Variants in CACHD1 observed in about 807,000 individuals in gnomAD.
CACHD1 encodes the protein VWFA and cache domain-containing protein 1.
In CACHD1, 71 loss-of-function variants were observed where a neutral mutation model predicts 138.7. The ratio of observed to expected loss-of-function variants is 0.51; its 90% CI spans 0.42 to 0.62. The LOEUF is 0.62. Ranked by LOEUF, CACHD1 falls within the 20% of genes least tolerant of loss-of-function variation. The pLI is 0.00. For synonymous variants in CACHD1, 578 were observed against 591.5 expected, an observed-to-expected ratio of 0.98 and a Z score of 0.33; for missense variants, 1,389 against 1,625.3, an observed-to-expected ratio of 0.85 and a Z score of 2.50.
intron 26 of CACHD1, among the ~76,000 whole-genome samples, chr1:64,682,785 A>G (rs1430636828): frequency 1.3e-5 from 2 of 152,148 alleles, no homozygotes; most frequent in Admixed American, 6.5e-5. Flanking sequence ...CTCAGAGTCC[A>G]TATCGCTCAT....
chr1:64,681,541 G>GTTTTTTTTTTTTTTTT (rs57993424), intron 25 of CACHD1, among the ~76,000 whole-genome samples: 15 of 68,140 alleles, frequency 2.2e-4, no homozygotes, highest in East Asian at 5.8e-4. Flanking sequence ...ATTTTATTGT[G>GTTTTTTTTTTTTTTTT]TTTTTTTTTT....
intron 2 of CACHD1, among the ~76,000 whole-genome samples, chr1:64,581,720 T>C (rs1015080622): frequency 6.6e-6 from 1 of 152,180 alleles, no homozygotes; most frequent in African/African-American, 2.4e-5. Flanking sequence ...TTTCCTTCTG[T>C]TATTATCCCC....
intron 2 of CACHD1, among the ~76,000 whole-genome samples, chr1:64,554,591 C>G (rs78560789): frequency 0.024 from 3,646 of 152,278 alleles, 66 homozygotes; most frequent in East Asian, 0.12. Flanking sequence ...TTTCATTTGC[C>G]TCGCTCTGAT....
rs1428691966 is a variant in CACHD1, at chr1:64,602,758, G to T, written c.411-48G>T. On this transcript the variant is annotated intron_variant, in intron 3 of 26. Coordinates refer to ENST00000651257, the MANE Select transcript of CACHD1 (RefSeq NM_020925.4). ...TGTAAACCATTATTTTTGTTGGTTGGTTTTTCTGGCCTGAATAAGTATTGC... is the reference window on the plus strand; with the variant it reads ...TGTAAACCATTATTTTTGTTGGTTGTTTTTTCTGGCCTGAATAAGTATTGC... The T allele has an allele frequency of 4.6e-6, 6 of 1,316,634 alleles. No homozygotes were observed. The South Asian group carries it at 5.9e-5, about 13-fold the overall frequency. The allele number at this position is 1,316,634 out of a possible 1,614,324, so 81.6% of individuals were successfully genotyped here.
At position 64,556,976 on chromosome 1, in the gene CACHD1, G is replaced by A. The variant is rs186575503; in HGVS notation, c.261+6320G>A. On this transcript the variant is annotated intron_variant, in intron 2 of 26. Transcript: ENST00000651257. ...CTACTAAAAATACAAAAAATTAGCC[G>A]GGCGTGGTGGCGGGCGCCTGTAGTC... Among the ~76,000 whole-genome samples the A allele has an allele frequency of 0.016, 2,381 of 152,146 alleles. 154 individuals carry two copies. In the East Asian group the frequency reaches 0.2, roughly 12 times the overall value.
intron 4 of CACHD1, among the ~76,000 whole-genome samples, chr1:64,605,168 T>C (rs1647299598): frequency 6.6e-6 from 1 of 151,964 alleles, no homozygotes; most frequent in Non-Finnish European, 1.5e-5. Flanking sequence ...TTTCACCATG[T>C]TGGCCAGGCT....
chr1:64,618,278 G>T (rs1245864770), intron 4 of CACHD1, among the ~76,000 whole-genome samples: 1 of 152,106 alleles, frequency 6.6e-6, no homozygotes, highest in African/African-American at 2.4e-5. Context: ...CAACTAAGAA[G>T]AGTGGTCTAC....
At position 64,604,746 on chromosome 1, in the gene CACHD1, G is replaced by A. The variant is rs141821988; in HGVS notation, c.517+1834G>A. Reference sequence around the variant, plus strand: ...TGGCTCACTGCAACCCCTGCCTCCCGGGTTCAAGCAATTCTCCTGCCTCAG... The same window carrying A: ...TGGCTCACTGCAACCCCTGCCTCCCAGGTTCAAGCAATTCTCCTGCCTCAG... On this transcript the variant is annotated intron_variant, in intron 4 of 26. Coordinates refer to ENST00000651257, the MANE Select transcript of CACHD1 (RefSeq NM_020925.4). Among the ~76,000 whole-genome samples the A allele has an allele frequency of 6.0e-3, 912 of 151,882 alleles. 13 individuals are homozygous for A. The highest frequency in any genetic ancestry group is 0.021 in the African/African-American group (858 of 41,420).
chr1:64,494,562 G>T (rs1413680941), intron 1 of CACHD1, among the ~76,000 whole-genome samples: 2 of 152,168 alleles, frequency 1.3e-5, no homozygotes, highest in African/African-American at 4.8e-5. Context: ...TGATTTGGAA[G>T]CTCCAATCTA....
chr1:64,655,583 C>T (rs116061188), intron 12 of CACHD1, among the ~76,000 whole-genome samples: 4,208 of 152,268 alleles, frequency 0.028, 83 homozygotes, highest in Middle Eastern at 0.054. Flanking sequence ...TCAACACAAG[C>T]AGATGGATAG....
At chr1:64,621,515 A>G (rs1000021015) in intron 4 of CACHD1, among the ~76,000 whole-genome samples, 1 of 152,218 alleles carries the variant, frequency 6.6e-6, no homozygotes, top group East Asian at 1.9e-4. Context: ...ACATAGCTAC[A>G]TAAAGAATAC....
chr1:64,634,227 C>G lies in CACHD1; in HGVS notation c.973C>G (p.Arg325Gly). The change falls in exon 7 of 27, where the codon CGA becomes GGA. Residue 325 changes from arginine to glycine, a missense_variant. Physicochemically the swap from Arg to Gly is moderately radical, Grantham distance 125. Coordinates refer to ENST00000651257, the MANE Select transcript of CACHD1 (RefSeq NM_020925.4). Reference sequence around the variant, plus strand: ...ATTCCAAAAGGCATTTCAGCTGATTCGAAGTACAAACAATAACACAAAGTT... The same window carrying G: ...ATTCCAAAAGGCATTTCAGCTGATTGGAAGTACAAACAATAACACAAAGTT... ...VGFQKAFQLI[R>G]STNNNTKFQA... 1 of 1,613,662 alleles carries G rather than the reference C, an allele frequency of 6.2e-7. No individual in the cohort carries two copies. Among genetic ancestry groups the G allele is most frequent in the Non-Finnish European group, 8.5e-7 (1 of 1,179,928 alleles).
intron 16 of CACHD1, among the ~76,000 whole-genome samples, chr1:64,670,015 AT>A (rs1356274756): frequency 2.6e-5 from 4 of 152,194 alleles, no homozygotes; most frequent in African/African-American, 9.6e-5. Context: ...GGGAACTATG[AT>A]TCCTTTATGG....
At chr1:64,600,160 C>G (rs1000871533) in intron 3 of CACHD1, among the ~76,000 whole-genome samples, 1 of 152,138 alleles carries the variant, frequency 6.6e-6, no homozygotes, top group South Asian at 2.1e-4. Context: ...AGATGTACCT[C>G]AGAACTACCC....
intron 1 of CACHD1, among the ~76,000 whole-genome samples, chr1:64,528,884 A>G (rs1362386978): frequency 1.3e-5 from 2 of 152,054 alleles, no homozygotes; most frequent in African/African-American, 4.8e-5. Flanking sequence ...TAGTCCCCCA[A>G]TTTAATGGCA....
chr1:64,681,957 G>A, intron 25 of CACHD1, 48 bp from the exon 26 acceptor site: 1 of 1,497,972 alleles, frequency 6.7e-7, no homozygotes, highest in Non-Finnish European at 9.3e-7. Context: ...TTGAAACAAT[G>A]GAGATACTGG....
At chr1:64,523,941 A>C (rs946841248) in intron 1 of CACHD1, among the ~76,000 whole-genome samples, 2 of 152,168 alleles carry the variant, frequency 1.3e-5, no homozygotes, top group Admixed American at 6.5e-5. Context: ...TTATTTATCC[A>C]AGAACAAGAT....
intron 1 of CACHD1, among the ~76,000 whole-genome samples, chr1:64,548,120 C>A (rs985472549): frequency 4.6e-5 from 7 of 152,150 alleles, no homozygotes; most frequent in African/African-American, 1.7e-4. Context: ...CTGAACCCTT[C>A]CGGGCATATA....
At chr1:64,630,048 C>T (rs1425275000) in intron 5 of CACHD1, among the ~76,000 whole-genome samples, 1 of 152,164 alleles carries the variant, frequency 6.6e-6, no homozygotes, top group Non-Finnish European at 1.5e-5. Context: ...TGGTGAGATA[C>T]TTTGTATGAC....
Sources: gnomAD v4.1 joint callset for allele counts (sites outside exome capture counted in the v4.1 genomes callset) on GRCh38, gnomAD v4.1.1 for gene constraint, MANE v1.5 for transcripts, NCBI Gene and HGNC (gene_info 2026-07-23, HGNC 2026-07-21) for gene names.